SPAG16: variants seen among roughly 807,000 people sequenced by gnomAD.
SPAG16 encodes the protein sperm associated antigen 16.
In SPAG16, 86 loss-of-function variants were observed where a neutral mutation model predicts 80.4. That is an observed-to-expected ratio of 1.07 (90% CI 0.90 to 1.28). The LOEUF is 1.28. Among genes scored for constraint, SPAG16 ranks in the 50% most tolerant of loss-of-function variants. The probability of loss-of-function intolerance (pLI) is 0.00; values close to 1 mark genes in which losing one functional copy is unlikely to be tolerated. For synonymous variants in SPAG16, 294 were observed against 265.9 expected, an observed-to-expected ratio of 1.11 and a Z score of -1.03; for missense variants, 870 against 765.3, an observed-to-expected ratio of 1.14 and a Z score of -1.61.
At chr2:213,477,583 C>G (rs564540415) in intron 9 of SPAG16, among the ~76,000 whole-genome samples, 2 of 152,326 alleles carry the variant, frequency 1.3e-5, no homozygotes, top group Admixed American at 6.5e-5. Context: ...TGTTGGAGAT[C>G]AGACTTGCAT....
intron 11 of SPAG16, among the ~76,000 whole-genome samples, chr2:213,914,970 C>A (rs2077881033): frequency 6.6e-6 from 1 of 152,026 alleles, no homozygotes; most frequent in South Asian, 2.1e-4. Flanking sequence ...TAAAGAAATA[C>A]CCGAGACTAG....
At chr2:213,865,627 T>C (rs1366290295) in intron 11 of SPAG16, among the ~76,000 whole-genome samples, 1 of 149,536 alleles carries the variant, frequency 6.7e-6, no homozygotes, top group Non-Finnish European at 1.5e-5. Context: ...AGAAAAAGGA[T>C]GTATATTTAT....
chr2:213,822,646 C>T (rs1170712047), intron 10 of SPAG16, among the ~76,000 whole-genome samples: 2 of 152,178 alleles, frequency 1.3e-5, no homozygotes, highest in Admixed American at 6.5e-5. Flanking sequence ...ATGTACAGAA[C>T]GTGCAGGTTT....
At chr2:214,339,982 G>C (rs1246421685) in intron 15 of SPAG16, among the ~76,000 whole-genome samples, 1 of 152,160 alleles carries the variant, frequency 6.6e-6, no homozygotes, top group African/African-American at 2.4e-5. Flanking sequence ...TCTATGCCAT[G>C]ATGGACTCCT....
At chr2:213,599,942 T>C (rs764495818) in intron 10 of SPAG16, among the ~76,000 whole-genome samples, 5 of 152,174 alleles carry the variant, frequency 3.3e-5, no homozygotes, top group African/African-American at 4.8e-5. Flanking sequence ...CGCCTTGGCC[T>C]CTCACAGTGC....
At chr2:213,395,329 T>C (rs2067975888) in intron 9 of SPAG16, among the ~76,000 whole-genome samples, 1 of 152,208 alleles carries the variant, frequency 6.6e-6, no homozygotes, top group African/African-American at 2.4e-5. Flanking sequence ...TTGATTTGAC[T>C]TTTTAATCTT....
chr2:213,758,527 G>T (rs995972973), intron 10 of SPAG16, among the ~76,000 whole-genome samples: 1 of 151,978 alleles, frequency 6.6e-6, no homozygotes, highest in African/African-American at 2.4e-5. Flanking sequence ...AAAAAAAATT[G>T]GGAGCTGAAA....
intron 10 of SPAG16, among the ~76,000 whole-genome samples, chr2:213,627,398 C>G (rs2061998423): frequency 6.6e-6 from 1 of 152,188 alleles, no homozygotes; most frequent in Non-Finnish European, 1.5e-5. Flanking sequence ...GTAACACATA[C>G]TTTCTTCTTG....
intron 10 of SPAG16, among the ~76,000 whole-genome samples, chr2:213,633,995 C>T (rs983761162): frequency 6.6e-6 from 1 of 152,020 alleles, no homozygotes; most frequent in Non-Finnish European, 1.5e-5. Context: ...TATGTCTTTT[C>T]ATTGGTGAGT....
At chr2:214,290,620 G>A (rs1693730660) in intron 15 of SPAG16, among the ~76,000 whole-genome samples, 1 of 151,760 alleles carries the variant, frequency 6.6e-6, no homozygotes, top group African/African-American at 2.4e-5. Context: ...TTCCATCTTA[G>A]TTTCTTCATT....
chr2:214,279,516 C>G (rs1419237190), intron 15 of SPAG16, among the ~76,000 whole-genome samples: 1 of 152,068 alleles, frequency 6.6e-6, no homozygotes, highest in Non-Finnish European at 1.5e-5. Flanking sequence ...AATTGATGAA[C>G]TCTGTAAGGT....
intron 10 of SPAG16, among the ~76,000 whole-genome samples, chr2:213,715,266 A>ATCTATCTATCTG (rs3076744): frequency 0.16 from 24,289 of 150,938 alleles, 2,238 homozygotes; most frequent in Non-Finnish European, 0.2. Flanking sequence ...CTATCTATCT[A>ATCTATCTATCTG]TCCATTCATC....
chr2:214,269,798 C>T, intron 15 of SPAG16, among the ~76,000 whole-genome samples: 1 of 152,066 alleles, frequency 6.6e-6, no homozygotes, highest in East Asian at 1.9e-4. Flanking sequence ...TGAGAAGAAT[C>T]TATCTTGAGC....
intron 10 of SPAG16, among the ~76,000 whole-genome samples, chr2:213,702,733 T>C (rs1574868475): frequency 1.3e-5 from 2 of 152,272 alleles, no homozygotes; most frequent in African/African-American, 2.4e-5. Flanking sequence ...GGGAGTGTAA[T>C]TTGACACATT....
At chr2:213,962,008 C>T (rs765018413) in intron 12 of SPAG16, among the ~76,000 whole-genome samples, 1 of 151,942 alleles carries the variant, frequency 6.6e-6, no homozygotes, top group African/African-American at 2.4e-5. Flanking sequence ...ACATTTTGGG[C>T]CTGTCCTTTT....
intron 15 of SPAG16, among the ~76,000 whole-genome samples, chr2:214,177,699 A>G (rs2057138897): frequency 1.3e-5 from 2 of 150,282 alleles, no homozygotes; most frequent in South Asian, 4.2e-4. Context: ...TGTGTTACAG[A>G]ATGGCTTAGT....
chr2:213,747,992 A>G (rs776958927), intron 10 of SPAG16, among the ~76,000 whole-genome samples: 1 of 152,226 alleles, frequency 6.6e-6, no homozygotes, highest in Non-Finnish European at 1.5e-5. Flanking sequence ...CAATTAATTT[A>G]TTCAAGTTGG....
chr2:213,309,321 G>C lies in SPAG16; in HGVS notation c.280-738G>C, dbSNP rs577729836. 3.9e-5 allele frequency among the ~76,000 whole-genome samples: 6 copies of C among 152,164 alleles called. No individual in the cohort carries two copies. In the South Asian group the frequency reaches 1.2e-3, roughly 32 times the overall value. On this transcript the variant is annotated intron_variant, in intron 3 of 15. Transcript: ENST00000331683. ...CTAACAAACTTTATTTATAAGAACT[G>C]TTAGCTGACCCCTGATCTAGTTGAT... is the stretch of plus-strand genomic sequence containing the variant.
chr2:213,593,125 A>G (rs1160424645), intron 10 of SPAG16, among the ~76,000 whole-genome samples: 1 of 152,174 alleles, frequency 6.6e-6, no homozygotes, highest in African/African-American at 2.4e-5. Flanking sequence ...TCTCATTCAA[A>G]GATTAGCCAA....
Sources: allele counts gnomAD v4.1 joint callset (sites outside exome capture counted in the v4.1 genomes callset), GRCh38; gene constraint gnomAD v4.1.1; transcripts MANE v1.5; gene names NCBI Gene and HGNC (gene_info 2026-07-23, HGNC 2026-07-21).